Variants in DLG2 observed in about 807,000 individuals in gnomAD.
DLG2 encodes discs large MAGUK scaffold protein 2.
In DLG2, 45 loss-of-function variants were observed where a neutral mutation model predicts 132.5. The observed-to-expected ratio is 0.34, with a 90% CI of 0.27 to 0.44. DLG2 has a LOEUF of 0.44. Among genes scored for constraint, DLG2 ranks in the 20% least tolerant of loss-of-function variants. The pLI, the probability that DLG2 is intolerant of heterozygous loss-of-function variation, is 1.00. For missense variants in DLG2, 1,045 were observed against 1,196.9 expected (o/e 0.87, Z 1.87); for synonymous variants, 424 against 419.6 (o/e 1.01, Z -0.13).
chr11:84,788,908 C>T (rs1349690296), intron 6 of DLG2, among the ~76,000 whole-genome samples: 1 of 152,074 alleles, frequency 6.6e-6, no homozygotes, highest in Non-Finnish European at 1.5e-5. Context: ...GATATCATGG[C>T]GACTCAGGGA....
chr11:84,168,332 G>C (rs951430939), intron 8 of DLG2, among the ~76,000 whole-genome samples: 2 of 152,220 alleles, frequency 1.3e-5, no homozygotes, highest in Non-Finnish European at 2.9e-5. Context: ...GTCAGTAGTA[G>C]AGAATATGAC....
rs552017427 is a variant in DLG2 at position 84,979,630 on chromosome 11, G to T, written c.357+132031C>A. On this transcript the variant is annotated intron_variant, in intron 6 of 27. Transcript: ENST00000376104. ...ATGAGAACACTTGGACACAGGAAGGGGAACGTCACACACCAGGGCCTGTTG... is the reference window on the plus strand; with the variant it reads ...ATGAGAACACTTGGACACAGGAAGGTGAACGTCACACACCAGGGCCTGTTG... 5.9e-5 allele frequency among the ~76,000 whole-genome samples: 9 copies of T among 152,032 alleles called. No individual in the cohort carries two copies. The South Asian group carries it at 6.3e-4, about 11-fold the overall frequency.
intron 2 of DLG2, among the ~76,000 whole-genome samples, chr11:85,622,530 A>T (rs2081787087): frequency 2.0e-5 from 3 of 152,090 alleles, no homozygotes; most frequent in Non-Finnish European, 4.4e-5. Context: ...ACTATAAAAC[A>T]AGAAGTGGAG....
chr11:84,670,100 G>T (rs1481560738), intron 6 of DLG2, among the ~76,000 whole-genome samples: 1 of 152,266 alleles, frequency 6.6e-6, no homozygotes, highest in East Asian at 1.9e-4. Flanking sequence ...GCCATCCAAA[G>T]AAATGAAGAC....
intron 6 of DLG2, among the ~76,000 whole-genome samples, chr11:84,843,860 C>T (rs1466547453): frequency 6.6e-6 from 1 of 151,254 alleles, no homozygotes; most frequent in Non-Finnish European, 1.5e-5. Flanking sequence ...ATACAGAAAG[C>T]TGACTGTGTG....
At chr11:83,594,912 A>C (rs2057307300) in intron 19 of DLG2, among the ~76,000 whole-genome samples, 1 of 152,252 alleles carries the variant, frequency 6.6e-6, no homozygotes, top group Non-Finnish European at 1.5e-5. Flanking sequence ...AGTTTGAACT[A>C]AAAGGTAGAT....
intron 7 of DLG2, among the ~76,000 whole-genome samples, chr11:84,251,578 G>A (rs1427751423): frequency 6.6e-6 from 1 of 151,138 alleles, no homozygotes; most frequent in African/African-American, 2.4e-5. Flanking sequence ...GAGGATTTCT[G>A]CTATGTGTAA....
chr11:84,523,032 CCTTA>C (rs2099309308), intron 7 of DLG2, among the ~76,000 whole-genome samples: 1 of 152,022 alleles, frequency 6.6e-6, no homozygotes, highest in Non-Finnish European at 1.5e-5. Context: ...AATAACACAC[CCTTA>C]CTTAGCTGAG....
chr11:85,154,567 C>T lies in DLG2; in HGVS notation c.271G>A (p.Glu91Lys). The T allele has an allele frequency of 1.3e-6, 2 of 1,492,100 alleles. No homozygotes were observed. The highest frequency in any genetic ancestry group is 1.8e-6 in the Non-Finnish European group (2 of 1,094,620). The allele number at this position is 1,492,100 out of a possible 1,614,324, so 92.4% of individuals were successfully genotyped here. The part of the protein sequence containing the change: ...ENQSFENETD[E>K]TTTQNQGRCP... The stretch of plus-strand genomic sequence containing the variant: ...AGTATAACACTTACAGTTGTCGTCT[C>T]ATCAGTTTCATTTTCAAAACTCTGA... The change falls in exon 5 of 28, where the codon GAG becomes AAG. Residue 91 changes from glutamate (E) to lysine (K), a missense_variant. Coordinates refer to ENST00000376104, the MANE Select transcript of DLG2 (RefSeq NM_001142699.3).
chr11:84,162,180 T>A (rs1354554035), intron 9 of DLG2, among the ~76,000 whole-genome samples: 1 of 152,130 alleles, frequency 6.6e-6, no homozygotes, highest in African/African-American at 2.4e-5. Flanking sequence ...GGTATGCGTT[T>A]ATCATAGAAG....
At chr11:84,068,112 T>C (rs1200928823) in intron 10 of DLG2, among the ~76,000 whole-genome samples, 1 of 152,176 alleles carries the variant, frequency 6.6e-6, no homozygotes, top group Non-Finnish European at 1.5e-5. Flanking sequence ...TTCTTCCATG[T>C]TGACTATAAA....
At chr11:85,152,375 G>T (rs1436603113) in intron 5 of DLG2, among the ~76,000 whole-genome samples, 1 of 151,842 alleles carries the variant, frequency 6.6e-6, no homozygotes, top group Non-Finnish European at 1.5e-5. Flanking sequence ...CAAGTAGCTG[G>T]GATTACAGGC....
intron 9 of DLG2, among the ~76,000 whole-genome samples, chr11:84,108,871 C>A (rs534396818): frequency 6.6e-6 from 1 of 152,020 alleles, no homozygotes; most frequent in East Asian, 1.9e-4. Context: ...ATATTTGAGG[C>A]ATAATTTGAA....
At chr11:84,471,515 C>G (rs1184140402) in intron 7 of DLG2, among the ~76,000 whole-genome samples, 1 of 151,504 alleles carries the variant, frequency 6.6e-6, no homozygotes, top group African/African-American at 2.4e-5. Context: ...GCCTTTAGCT[C>G]TGGAATACTC....
intron 2 of DLG2, among the ~76,000 whole-genome samples, chr11:85,614,481 A>C (rs2081211837): frequency 6.6e-6 from 1 of 152,186 alleles, no homozygotes; most frequent in Non-Finnish European, 1.5e-5. Context: ...TTTTTACTAA[A>C]AATACAAAAT....
Position 85,025,896 on chromosome 11 carries a change from T to C in DLG2, c.357+85765A>G, listed in dbSNP as rs189060351. Among the ~76,000 whole-genome samples, 6 of 151,996 alleles carry C rather than the reference T, an allele frequency of 3.9e-5. No homozygotes were observed. The East Asian group carries it at 9.6e-4, about 24-fold the overall frequency. ...TAGAGTGCAAAAGATAATCAATAAA[T>C]GTTTTAGATACACATGATTATCTAT... On this transcript the variant is annotated intron_variant, in intron 6 of 27. Coordinates refer to ENST00000376104, the MANE Select transcript of DLG2 (RefSeq NM_001142699.3).
intron 19 of DLG2, among the ~76,000 whole-genome samples, chr11:83,617,366 C>T (rs2153424705): frequency 6.6e-6 from 1 of 152,162 alleles, no homozygotes; most frequent in South Asian, 2.1e-4. Context: ...TTTGTCAGTT[C>T]TATTCCTATG....
chr11:84,657,593 T>C (rs2099689740), intron 6 of DLG2, among the ~76,000 whole-genome samples: 1 of 152,150 alleles, frequency 6.6e-6, no homozygotes, highest in South Asian at 2.1e-4. Flanking sequence ...TAGATTCTCA[T>C]AAGAAGTACA....
rs11338428 is a variant in DLG2 at position 84,174,014 on chromosome 11, C to CTTTTTTTTTTTTTTTTT, written c.574-10520_574-10504dup. Among the ~76,000 whole-genome samples the CTTTTTTTTTTTTTTTTT allele has an allele frequency of 4.3e-3, 262 of 61,194 alleles. 46 individuals carry two copies. Among genetic ancestry groups the CTTTTTTTTTTTTTTTTT allele is most frequent in the African/African-American group, 9.5e-3 (146 of 15,354 alleles). 40.1% of individuals were successfully genotyped at this position (61,194 alleles called of 152,430 possible). The stretch of plus-strand genomic sequence containing the variant: ...CTGAGTTTTGACTTCACCCCCCGGC[C>CTTTTTTTTTTTTTTTTT]TTTTTTTTTTTTTTTTTTTTTTCTG... On this transcript the variant is annotated intron_variant, in intron 8 of 27. Coordinates refer to ENST00000376104, the MANE Select transcript of DLG2 (RefSeq NM_001142699.3).
Sources: allele counts gnomAD v4.1 joint callset (sites outside exome capture counted in the v4.1 genomes callset), GRCh38; gene constraint gnomAD v4.1.1; transcripts MANE v1.5; gene names NCBI Gene and HGNC (gene_info 2026-07-23, HGNC 2026-07-21).